L3HYPDH: variants seen among roughly 807,000 people sequenced by gnomAD.
L3HYPDH encodes trans-3-hydroxy-L-proline dehydratase.
L3HYPDH carries 32 observed loss-of-function variants against 26.5 expected under a neutral mutation model. That is an observed-to-expected ratio of 1.21 (90% CI 0.91 to 1.62). L3HYPDH has a LOEUF of 1.62. Among genes scored for constraint, L3HYPDH ranks in the 40% most tolerant of loss-of-function variants. L3HYPDH has a pLI of 0.00. For synonymous variants in L3HYPDH, 215 were observed against 196.6 expected (o/e 1.09, Z -0.78); for missense variants, 554 against 476.4 (o/e 1.16, Z -1.52).
chr14:59,484,752 C>T (rs1890389787), upstream of L3HYPDH: 7 of 1,036,568 alleles, frequency 6.8e-6, no homozygotes, highest in East Asian at 2.6e-5. Context: ...CGCACTCCTG[C>T]GGGGTTGGGG....
At chr14:59,468,061 T>C (rs910986134), downstream of L3HYPDH, among the ~76,000 whole-genome samples, 2 of 151,944 alleles carry the variant, frequency 1.3e-5, no homozygotes, top group East Asian at 3.9e-4. Context: ...ATAATGCTCT[T>C]AAAAAAATTC....
the L3HYPDH span, among the ~76,000 whole-genome samples, chr14:59,495,550 A>G: frequency 5.9e-5 from 9 of 152,098 alleles, no homozygotes; most frequent in Non-Finnish European, 1.3e-4. Flanking sequence ...TTTCTCCCCA[A>G]ATAAGTGTAA....
At chr14:59,470,649 G>A (rs1889286172), downstream of L3HYPDH, among the ~76,000 whole-genome samples, 1 of 152,158 alleles carries the variant, frequency 6.6e-6, no homozygotes, top group Non-Finnish European at 1.5e-5. Context: ...ACACCTACCT[G>A]CAGGGAGCAA....
At chr14:59,493,548 C>A in the L3HYPDH span, among the ~76,000 whole-genome samples, 5 of 152,224 alleles carry the variant, frequency 3.3e-5, 1 homozygote, top group African/African-American at 9.6e-5. Flanking sequence ...AAACAGTGTT[C>A]AAGTAGAAAA....
the L3HYPDH span, chr14:59,495,012 C>T: frequency 6.2e-7 from 1 of 1,609,542 alleles, no homozygotes; most frequent in South Asian, 1.1e-5. Context: ...TCTTTTCCTT[C>T]TCTAGTTCCA....
chr14:59,484,784 C>G, upstream of L3HYPDH: 5 of 902,944 alleles, frequency 5.5e-6, no homozygotes, highest in South Asian at 8.7e-5. Flanking sequence ...CAACGGGCTA[C>G]TAGGGGAGGC....
upstream of L3HYPDH, chr14:59,485,091 G>C: frequency 6.3e-7 from 1 of 1,598,424 alleles, no homozygotes; most frequent in Non-Finnish European, 8.5e-7. Flanking sequence ...AAATTCAACA[G>C]TCGCTTGGAG....
intron 2 of L3HYPDH, chr14:59,478,657 T>C (rs1388045733): frequency 6.6e-6 from 1 of 152,358 alleles, no homozygotes; most frequent in Non-Finnish European, 1.5e-5. Context: ...TTACATGTAT[T>C]GACTTATTTC....
the L3HYPDH span, chr14:59,495,392 T>C: frequency 3.4e-6 from 2 of 585,028 alleles, no homozygotes; most frequent in Non-Finnish European, 6.1e-6. Context: ...TTCAGTTTTC[T>C]CTTTGGTAAA....
intron 1 of L3HYPDH, among the ~76,000 whole-genome samples, chr14:59,467,431 G>T (rs542730192): frequency 6.6e-6 from 1 of 152,282 alleles, no homozygotes; most frequent in African/African-American, 2.4e-5. Flanking sequence ...ATAAGGGAGG[G>T]CCGTGAGCAA....
intron 2 of L3HYPDH, among the ~76,000 whole-genome samples, chr14:59,478,111 G>A (rs1889764814): frequency 6.6e-6 from 1 of 152,102 alleles, no homozygotes; most frequent in South Asian, 2.1e-4. Flanking sequence ...TATGAAATAA[G>A]AAAAAGGCTT....
rs1486283202 is a variant in L3HYPDH at position 59,484,344 on chromosome 14, T to C, written c.-28A>G. ...TCTGCGTCGGGGGAGACGAGTACGGTCCCGCAGCTATGGCTTCAAGCCCGA... is the reference window on the plus strand; with the variant it reads ...TCTGCGTCGGGGGAGACGAGTACGGCCCCGCAGCTATGGCTTCAAGCCCGA... On this transcript the variant is annotated 5_prime_UTR_variant, in exon 1 of 5. Coordinates refer to ENST00000247194, the MANE Select transcript of L3HYPDH (RefSeq NM_144581.2). The C allele has an allele frequency of 1.9e-6, 3 of 1,556,572 alleles. No individual in the cohort carries two copies. Among genetic ancestry groups the C allele is most frequent in the East Asian group, 4.5e-5 (2 of 44,444 alleles).
At position 59,483,841 on chromosome 14, in the gene L3HYPDH, A is replaced by C. The variant is rs774152992; in HGVS notation, c.476T>G (p.Phe159Cys). The C allele has an allele frequency of 6.3e-7, 1 of 1,589,424 alleles. No individual in the cohort carries two copies. The highest frequency in any genetic ancestry group is 2.3e-5 in the East Asian group (1 of 44,234). The change falls in exon 1 of 5, where the codon TTC (phenylalanine) becomes TGC (cysteine). Residue 159 changes from phenylalanine to cysteine, a missense_variant. Physicochemically the swap from Phe to Cys is radical, Grantham distance 205. Coordinates refer to ENST00000247194, the MANE Select transcript of L3HYPDH (RefSeq NM_144581.2). ...CAGCACGAAGGCCGGGACGCTGTGG[A>C]AGCGCACCGGTCCGTGGCTGCGGCC... is the stretch of plus-strand genomic sequence containing the variant. ...EDGRSHGPVR[F>C]HSVPAFVLAT...
At chr14:59,469,558 T>TAAAA (rs36113229), downstream of L3HYPDH, among the ~76,000 whole-genome samples, 104 of 43,304 alleles carry the variant, frequency 2.4e-3, 3 homozygotes, top group African/African-American at 7.9e-3. Context: ...TCCATCTCAT[T>TAAAA]AAAAAAAAAA....
upstream of L3HYPDH, chr14:59,484,713 T>C (rs1047669971): frequency 7.8e-7 from 1 of 1,279,840 alleles, no homozygotes. Flanking sequence ...GGCTCGCCCC[T>C]TGACCCCGCC....
the L3HYPDH span, among the ~76,000 whole-genome samples, chr14:59,494,121 G>C: frequency 6.6e-6 from 1 of 150,964 alleles, no homozygotes; most frequent in Non-Finnish European, 1.5e-5. Context: ...AGAAAATTTG[G>C]GTGTGTGTGT....
chr14:59,474,540 C>A (rs1889493479), intron 4 of L3HYPDH: 1 of 698,522 alleles, frequency 1.4e-6, no homozygotes, highest in Non-Finnish European at 2.6e-6. Flanking sequence ...TAATATAAAG[C>A]CTCATTGACC....
the L3HYPDH span, chr14:59,498,902 CT>C: frequency 1.9e-6 from 3 of 1,593,566 alleles, no homozygotes; most frequent in Non-Finnish European, 2.6e-6. Flanking sequence ...TGGTGGAGGC[CT>C]TTTATGTAAG....
At chr14:59,502,755 T>TGTTTTGTTTTG in the L3HYPDH span, among the ~76,000 whole-genome samples, 5 of 122,948 alleles carry the variant, frequency 4.1e-5, no homozygotes, top group African/African-American at 9.0e-5. Flanking sequence ...ATGAGATTTT[T>TGTTTTGTTTTG]TTTTTTTTTT....
Sources: gnomAD v4.1 joint callset for allele counts (sites outside exome capture counted in the v4.1 genomes callset) on GRCh38, gnomAD v4.1.1 for gene constraint, MANE v1.5 for transcripts, NCBI Gene and HGNC (gene_info 2026-07-23, HGNC 2026-07-21) for gene names.